Variants in ANGPTL5 observed in about 807,000 individuals in gnomAD.
ANGPTL5 encodes the protein angiopoietin-related protein 5.
In ANGPTL5, 34 loss-of-function variants were observed where a neutral mutation model predicts 39.4. That is an observed-to-expected ratio of 0.86 (90% CI 0.66 to 1.15). The LOEUF (loss-of-function observed/expected upper bound fraction) is 1.15, where lower values mean the gene tolerates loss of function less well. Ranked by LOEUF, ANGPTL5 falls within the 50% of genes most tolerant of loss-of-function variation. ANGPTL5 has a pLI of 0.00. For synonymous variants in ANGPTL5, 146 were observed against 152.1 expected (o/e 0.96, Z 0.29); for missense variants, 467 against 457.5 (o/e 1.02, Z -0.19).
intron 2 of ANGPTL5, 22 bp downstream of exon 2, chr11:101,907,792 A>G (rs2137063379): frequency 6.7e-7 from 1 of 1,495,000 alleles, no homozygotes; most frequent in East Asian, 2.3e-5. Flanking sequence ...CCTAGCTAAT[A>G]TAATATTGCT....
At chr11:101,910,518 A>AAACATC (rs1373856857) in intron 1 of ANGPTL5, among the ~76,000 whole-genome samples, 3 of 151,856 alleles carry the variant, frequency 2.0e-5, no homozygotes, top group Non-Finnish European at 2.9e-5. Context: ...TTTGTAAATA[A>AAACATC]AACATCAACG....
intron 1 of ANGPTL5, among the ~76,000 whole-genome samples, chr11:101,909,920 G>A (rs1940061039): frequency 6.6e-6 from 1 of 152,140 alleles, no homozygotes; most frequent in African/African-American, 2.4e-5. Context: ...CAACTAATCA[G>A]AGTATACCCA....
chr11:101,905,741 T>A lies in ANGPTL5; in HGVS notation c.345+3A>T. The A allele has an allele frequency of 6.4e-7, 1 of 1,572,540 alleles. No homozygotes were observed. Among genetic ancestry groups the A allele is most frequent in the Non-Finnish European group, 8.7e-7 (1 of 1,143,166 alleles). ...TAACAACACAATACTAAAACATCTA[T>A]ACCTGATTAGATAAATAATCCAAGG... On this transcript the variant is annotated splice_donor_region_variant and intron_variant, in intron 4 of 8. Transcript: ENST00000334289.
chr11:101,902,679 G>A lies in ANGPTL5; in HGVS notation c.482C>T (p.Thr161Ile), dbSNP rs754400241. 5 of 1,611,580 alleles carry A rather than the reference G, an allele frequency of 3.1e-6. No homozygotes were observed. In the Admixed American group the frequency reaches 6.7e-5, roughly 21 times the overall value. ...TDIKDTIGSVTKTPSGLYIIH... is the reference protein window; with the variant it reads ...TDIKDTIGSVIKTPSGLYIIH... ...TATGTATAAACCACTCGGTGTTTTGGTGACAGAGCCAATGGTATCCTTAAT... is the reference window on the plus strand; with the variant it reads ...TATGTATAAACCACTCGGTGTTTTGATGACAGAGCCAATGGTATCCTTAAT... The change falls in exon 6 of 9, where the codon ACC becomes ATC. Residue 161 changes from threonine (T) to isoleucine (I), a missense_variant. By Grantham distance (89) the Thr-to-Ile change is moderately conservative (BLOSUM62 -1). Transcript: ENST00000334289.
intron 6 of ANGPTL5, among the ~76,000 whole-genome samples, chr11:101,902,333 C>G (rs998322685): frequency 5.9e-5 from 9 of 151,912 alleles, no homozygotes; most frequent in Non-Finnish European, 1.3e-4. Context: ...CTGCCTGTTA[C>G]GAGGATAATA....
chr11:101,910,425 ATAT>A (rs1162495597), intron 1 of ANGPTL5, among the ~76,000 whole-genome samples: 3,440 of 99,638 alleles, frequency 0.035, 82 homozygotes, highest in Non-Finnish European at 0.041. Context: ...AAAAAAAAAA[ATAT>A]ATATATATAT....
chr11:101,913,584 G>GGATTTATA (rs769652022), intron 1 of ANGPTL5, among the ~76,000 whole-genome samples: 15 of 152,044 alleles, frequency 9.9e-5, no homozygotes, highest in Non-Finnish European at 1.3e-4. Context: ...ACGTAAGAAA[G>GGATTTATA]GATTTATAGG....
chr11:101,891,955 T>C (rs1939705386), intron 8 of ANGPTL5, among the ~76,000 whole-genome samples: 1 of 152,236 alleles, frequency 6.6e-6, no homozygotes, highest in African/African-American at 2.4e-5. Flanking sequence ...AAAATTAATT[T>C]ACACAGGGTA....
chr11:101,900,685 A>G (rs1939878626), intron 6 of ANGPTL5, 135 bp from the exon 7 acceptor site: 11 of 842,992 alleles, frequency 1.3e-5, no homozygotes, highest in Non-Finnish European at 2.1e-5. Context: ...ATCATATGCC[A>G]TTAATTTATT....
chr11:101,907,298 T>G, intron 2 of ANGPTL5, 51 bp from the exon 3 acceptor site: 1 of 1,156,860 alleles, frequency 8.6e-7, no homozygotes, highest in Middle Eastern at 2.8e-4. Flanking sequence ...ACATGTTATA[T>G]GACCTAATAC....
intron 8 of ANGPTL5, among the ~76,000 whole-genome samples, chr11:101,892,312 C>G (rs1363644047): frequency 6.6e-6 from 1 of 152,120 alleles, no homozygotes; most frequent in African/African-American, 2.4e-5. Flanking sequence ...CTCACTGCAA[C>G]CTTCACCTCC....
rs753476087 is a variant in ANGPTL5 at position 101,891,614 on chromosome 11, T to C, written c.848-16A>G. Reference sequence around the variant, plus strand: ...AATGCATCACCTGGGAAAAAAATTTTTAATGATCGAATTTAAAGGAAATTT... The same window carrying C: ...AATGCATCACCTGGGAAAAAAATTTCTAATGATCGAATTTAAAGGAAATTT... On this transcript the variant is annotated splice_polypyrimidine_tract_variant and intron_variant, in intron 8 of 8. Coordinates refer to ENST00000334289, the MANE Select transcript of ANGPTL5 (RefSeq NM_178127.5). 2.6e-5 allele frequency: 42 copies of C among 1,611,512 alleles called. No homozygotes were observed. The highest frequency in any genetic ancestry group is 1.3e-4 in the Admixed American group (8 of 59,762).
At chr11:101,892,300 G>A (rs890720424) in intron 8 of ANGPTL5, among the ~76,000 whole-genome samples, 3 of 151,990 alleles carry the variant, frequency 2.0e-5, no homozygotes, top group Middle Eastern at 3.2e-3. Flanking sequence ...GCATGATCTC[G>A]GCTCACTGCA....
At chr11:101,908,034 A>T (rs1940028784) in intron 1 of ANGPTL5, 33 bp from the exon 2 acceptor site, 1 of 702,992 alleles carries the variant, frequency 1.4e-6, no homozygotes, top group South Asian at 1.6e-5. Context: ...ATAAGCCAAA[A>T]CTTACTAGTT....
At chr11:101,892,735 A>G (rs1455433410) in intron 8 of ANGPTL5, among the ~76,000 whole-genome samples, 4 of 152,178 alleles carry the variant, frequency 2.6e-5, no homozygotes, top group African/African-American at 9.7e-5. Context: ...TTGAAACACT[A>G]ATTTAAAAAA....
intron 1 of ANGPTL5, chr11:101,915,523 C>T: frequency 7.6e-7 from 1 of 1,323,910 alleles, no homozygotes; most frequent in Non-Finnish European, 1.0e-6. Flanking sequence ...ACTAGCAAGT[C>T]ATCTTAGTGC....
chr11:101,912,719 A>G (rs1940110458), intron 1 of ANGPTL5, among the ~76,000 whole-genome samples: 1 of 152,222 alleles, frequency 6.6e-6, no homozygotes. Context: ...CTGACTGAAT[A>G]GACCCCCTCT....
chr11:101,898,680 T>G (rs1190924896), intron 7 of ANGPTL5, among the ~76,000 whole-genome samples: 2 of 152,220 alleles, frequency 1.3e-5, no homozygotes, highest in African/African-American at 4.8e-5. Flanking sequence ...TCCAATACTA[T>G]GTTGAATAGG....
chr11:101,894,864 T>A lies in ANGPTL5; in HGVS notation c.847+15A>T. ...ATTTAGATCTGGATAATTTTAGGAA[T>A]AAAAAAAATCTTACCAGCATTTCCT... is the stretch of plus-strand genomic sequence containing the variant. On this transcript the variant is annotated intron_variant, in intron 8 of 8. Coordinates refer to ENST00000334289, the MANE Select transcript of ANGPTL5 (RefSeq NM_178127.5). 6.3e-7 allele frequency: 1 copy of A among 1,598,164 alleles called. No homozygotes were observed. The highest frequency in any genetic ancestry group is 1.1e-5 in the South Asian group (1 of 90,504).
Sources: allele counts gnomAD v4.1 joint callset (sites outside exome capture counted in the v4.1 genomes callset), GRCh38; gene constraint gnomAD v4.1.1; transcripts MANE v1.5; gene names NCBI Gene and HGNC (gene_info 2026-07-23, HGNC 2026-07-21).